The following FABP12 variants were observed in gnomAD, a reference collection of about 807,000 sequenced individuals.
FABP12 encodes the protein fatty acid-binding protein 12.
FABP12 carries 19 observed loss-of-function variants against 13.7 expected under a neutral mutation model. That is an observed-to-expected ratio of 1.39 (90% confidence interval 0.97 to 2.04). The LOEUF is 2.04. Ranked by LOEUF, FABP12 falls within the 30% of genes most tolerant of loss-of-function variation. The pLI is 0.00. For synonymous variants in FABP12, 61 were observed against 57.0 expected, an observed-to-expected ratio of 1.07 and a Z score of -0.32; for missense variants, 182 against 164.2, an observed-to-expected ratio of 1.11 and a Z score of -0.59.
At chr8:81,561,057 C>G (rs1809715798) in intron 1 of FABP12, among the ~76,000 whole-genome samples, 1 of 152,184 alleles carries the variant, frequency 6.6e-6, no homozygotes, top group Admixed American at 6.5e-5. Context: ...CTAAGAACCT[C>G]TCGTTCTCTT....
chr8:81,563,871 A>T (rs1809771265), intron 1 of FABP12, among the ~76,000 whole-genome samples: 1 of 152,184 alleles, frequency 6.6e-6, no homozygotes, highest in African/African-American at 2.4e-5. Flanking sequence ...TAGAAAGTTA[A>T]TTCAAAAGGA....
At chr8:81,542,337 A>G (rs1022281720) in intron 1 of FABP12, among the ~76,000 whole-genome samples, 4 of 152,118 alleles carry the variant, frequency 2.6e-5, no homozygotes, top group South Asian at 2.1e-4. Flanking sequence ...CTTGCTTTAT[A>G]TAGGGTAACA....
At chr8:81,541,850 G>GA (rs3839852) in intron 1 of FABP12, among the ~76,000 whole-genome samples, 39,139 of 135,006 alleles carry the variant, frequency 0.29, 6,484 homozygotes, top group African/African-American at 0.51. Context: ...ACAGCGTGTA[G>GA]AAATACTTCC....
rs769439978 is a variant in FABP12, at chr8:81,529,519, T to C, written c.165A>G (p.Lys55=). The stretch of plus-strand genomic sequence containing the variant: ...AGATCTCATTATTTTTAAAGATGCT[T>C]TTGGTTTTTATTGTGATGACATCTC... Residue 55 remains lysine, a synonymous_variant, in exon 3 of 5, where the codon AAA becomes AAG. Transcript: ENST00000360464. The C allele has an allele frequency of 2.5e-6, 4 of 1,613,996 alleles. No individual in the cohort carries two copies. In the South Asian group the frequency reaches 4.4e-5, roughly 18 times the overall value.
intron 1 of FABP12, 123 bp from the exon 2 acceptor site, chr8:81,531,513 T>A: frequency 1.9e-6 from 1 of 526,158 alleles, no homozygotes; most frequent in Non-Finnish European, 3.3e-6. Context: ...TTCTTAAATT[T>A]AAATACATCA....
intron 2 of FABP12, among the ~76,000 whole-genome samples, chr8:81,529,987 C>A (rs572958559): frequency 6.6e-6 from 1 of 152,178 alleles, no homozygotes; most frequent in South Asian, 2.1e-4. Context: ...CACTCACATA[C>A]AAACAAAATA....
chr8:81,582,019 A>G (rs1383442542), intron 1 of FABP12, among the ~76,000 whole-genome samples: 1 of 152,170 alleles, frequency 6.6e-6, no homozygotes, highest in Non-Finnish European at 1.5e-5. Context: ...ACAACCATAA[A>G]TCAATTAATA....
chr8:81,551,984 A>T (rs533963495), intron 1 of FABP12, among the ~76,000 whole-genome samples: 1 of 152,268 alleles, frequency 6.6e-6, no homozygotes, highest in Non-Finnish European at 1.5e-5. Context: ...AGAACAAGGC[A>T]AACGAGGTCC....
intron 3 of FABP12, 87 bp from the exon 4 acceptor site, chr8:81,527,208 T>C (rs1050992613): frequency 2.7e-5 from 19 of 691,180 alleles, no homozygotes; most frequent in Non-Finnish European, 4.7e-5. Context: ...TTTTAGCTGT[T>C]GTAATACTCT....
chr8:81,537,837 G>A (rs142362139), upstream of FABP12, among the ~76,000 whole-genome samples: 3 of 152,306 alleles, frequency 2.0e-5, no homozygotes, highest in East Asian at 5.8e-4. Context: ...CAGTAACATG[G>A]CACTGCTCCA....
intron 1 of FABP12, among the ~76,000 whole-genome samples, chr8:81,547,001 T>A (rs1809446316): frequency 1.3e-5 from 2 of 152,232 alleles, no homozygotes; most frequent in South Asian, 4.1e-4. Context: ...AACTCACTTG[T>A]TCCTTTTATG....
intron 1 of FABP12, among the ~76,000 whole-genome samples, chr8:81,583,199 A>G (rs1585861647): frequency 6.6e-6 from 1 of 152,162 alleles, no homozygotes; most frequent in East Asian, 1.9e-4. Context: ...ATACAACAAA[A>G]GCAGTGACAA....
At chr8:81,575,688 G>A (rs1810031469) in intron 1 of FABP12, among the ~76,000 whole-genome samples, 1 of 152,110 alleles carries the variant, frequency 6.6e-6, no homozygotes, top group Non-Finnish European at 1.5e-5. Flanking sequence ...TTTGGACAAG[G>A]CCTTTTACCA....
chr8:81,531,012 C>A (rs1809059451), intron 2 of FABP12, among the ~76,000 whole-genome samples: 1 of 152,124 alleles, frequency 6.6e-6, no homozygotes, highest in Non-Finnish European at 1.5e-5. Flanking sequence ...TTATTAAAAT[C>A]ACTTGCTGTT....
chr8:81,581,237 C>T (rs1481175136), intron 1 of FABP12, among the ~76,000 whole-genome samples: 1 of 152,182 alleles, frequency 6.6e-6, no homozygotes, highest in Non-Finnish European at 1.5e-5. Flanking sequence ...CCCATAGGGG[C>T]CAATGCTACC....
At chr8:81,563,025 G>T (rs1026004694) in intron 1 of FABP12, among the ~76,000 whole-genome samples, 9 of 152,240 alleles carry the variant, frequency 5.9e-5, no homozygotes, top group Middle Eastern at 3.2e-3. Flanking sequence ...CCCAGTGGGG[G>T]TGGCCACAGG....
intron 1 of FABP12, among the ~76,000 whole-genome samples, chr8:81,566,217 A>T (rs1352357022): frequency 6.6e-6 from 1 of 151,996 alleles, no homozygotes; most frequent in Non-Finnish European, 1.5e-5. Flanking sequence ...CGATGGTGTC[A>T]CTGTGAATTC....
rs543738675 is a variant in FABP12 at position 81,570,269 on chromosome 8, CCTT to C, written c.-185+19781_-185+19783del. ...CCCCAAAGGGCTACAGATCTTCTCT[CCTT>C]CTCTTTGCTCACAACATGGCAAGCG... On this transcript the variant is annotated intron_variant, in intron 1 of 5. Transcript: ENST00000692030. 4.0e-3 allele frequency among the ~76,000 whole-genome samples: 610 copies of C among 152,346 alleles called. 1 individual carries two copies. Among genetic ancestry groups the C allele is most frequent in the South Asian group, 8.9e-3 (43 of 4,826 alleles).
intron 1 of FABP12, among the ~76,000 whole-genome samples, chr8:81,574,907 T>C (rs759346048): frequency 4.0e-5 from 6 of 150,924 alleles, no homozygotes; most frequent in Non-Finnish European, 7.4e-5. Context: ...CAGCTTTTTG[T>C]TTCATTTATC....
Sources: gnomAD v4.1 joint callset for allele counts (sites outside exome capture counted in the v4.1 genomes callset) on GRCh38, gnomAD v4.1.1 for gene constraint, MANE v1.5 for transcripts, NCBI Gene and HGNC (gene_info 2026-07-23, HGNC 2026-07-21) for gene names.